Variants in KLF13 observed in about 807,000 individuals in gnomAD.
KLF13 encodes Krueppel-like factor 13.
A neutral mutation model predicts 16.7 loss-of-function variants in KLF13; 8 were observed. The observed-to-expected ratio is 0.48, with a 90% CI of 0.28 to 0.87. The LOEUF (loss-of-function observed/expected upper bound fraction) is 0.87, where lower values mean the gene tolerates loss of function less well. Among genes scored for constraint, KLF13 ranks in the 40% least tolerant of loss-of-function variants. The probability of loss-of-function intolerance (pLI) is 0.10; values close to 1 mark genes in which losing one functional copy is unlikely to be tolerated. For synonymous variants in KLF13, 245 were observed against 208.4 expected (o/e 1.18, Z -1.51); for missense variants, 447 against 452.2 (o/e 0.99, Z 0.10).
downstream of KLF13, among the ~76,000 whole-genome samples, chr15:31,380,165 G>A (rs1446992327): frequency 6.6e-6 from 1 of 152,190 alleles, no homozygotes; most frequent in Non-Finnish European, 1.5e-5. Flanking sequence ...TGTGGCTTGT[G>A]CCTGTAGTCC....
intron 1 of KLF13, among the ~76,000 whole-genome samples, chr15:31,422,062 C>G (rs2040333213): frequency 6.6e-6 from 1 of 151,230 alleles, no homozygotes; most frequent in Admixed American, 6.6e-5. Context: ...TTGCAGTGAG[C>G]TGAGACCATG....
At chr15:31,351,122 C>G (rs1352792689) in intron 1 of KLF13, among the ~76,000 whole-genome samples, 4 of 152,192 alleles carry the variant, frequency 2.6e-5, no homozygotes, top group Non-Finnish European at 5.9e-5. Flanking sequence ...CTTTTCTCAG[C>G]CCGTATCATG....
rs868507900 is a variant in KLF13 at position 31,427,955 on chromosome 15, T to C, written n.118-7415T>C. Among the ~76,000 whole-genome samples, 3 of 152,296 alleles carry C rather than the reference T, an allele frequency of 2.0e-5. No homozygotes were observed. The South Asian group carries it at 6.2e-4, about 32-fold the overall frequency. The stretch of plus-strand genomic sequence containing the variant: ...ACCTCCTACCAGGCACTGCCTCCAA[T>C]ACTGGGAATTAGAATTCAACGTGAA... On this transcript the variant is annotated intron_variant and non_coding_transcript_variant, in intron 1 of 1. Transcript: ENST00000558225.
At chr15:31,334,102 C>T (rs1249628239) in intron 1 of KLF13, among the ~76,000 whole-genome samples, 1 of 152,186 alleles carries the variant, frequency 6.6e-6, no homozygotes, top group Non-Finnish European at 1.5e-5. Flanking sequence ...GGGTTGGGTT[C>T]AGCTTTGGAA....
downstream of KLF13, among the ~76,000 whole-genome samples, chr15:31,379,787 A>C (rs1036111775): frequency 6.6e-6 from 1 of 152,176 alleles, no homozygotes; most frequent in Admixed American, 6.5e-5. Context: ...TCCTGGAGGC[A>C]GGCCTGAGAG....
Position 31,376,218 on chromosome 15 carries a change from G to A in KLF13, c.*3919G>A, listed in dbSNP as rs918303887. ...ACCCATTCAGGATCTCAGCTGGGCA[G>A]GGGTGCCACCCAACAGGAAGATGTG... On this transcript the variant is annotated 3_prime_UTR_variant, in exon 2 of 2. Coordinates refer to ENST00000307145, the MANE Select transcript of KLF13 (RefSeq NM_015995.4). 6.5e-5 allele frequency: 10 copies of A among 152,720 alleles called. No individual in the cohort carries two copies. Among genetic ancestry groups the A allele is most frequent in the Admixed American group, 2.0e-4 (3 of 15,284 alleles). The allele number at this position is 152,720 out of a possible 1,614,324, so 9.5% of individuals were successfully genotyped here.
At position 31,376,427 on chromosome 15, in the gene KLF13, AAGAAACGCTT is replaced by A. The variant is rs2039647176; in HGVS notation, c.*4129_*4138del. ...ATGTGTTGGTCACATCACAACCAGTAAGAAACGCTTGGTAGGTTATCCACATCTTTTGCTG... is the reference window on the plus strand; with the variant it reads ...ATGTGTTGGTCACATCACAACCAGTAGGTAGGTTATCCACATCTTTTGCTG... On this transcript the variant is annotated 3_prime_UTR_variant, in exon 2 of 2. Transcript: ENST00000307145. 1 of 152,336 alleles carries A rather than the reference AAGAAACGCTT, an allele frequency of 6.6e-6. No homozygotes were observed. The highest frequency in any genetic ancestry group is 1.5e-5 in the Non-Finnish European group (1 of 68,038). 9.4% of individuals were successfully genotyped at this position (152,336 alleles called of 1,614,324 possible).
At chr15:31,378,217 T>G (rs943046654), downstream of KLF13, among the ~76,000 whole-genome samples, 3 of 152,126 alleles carry the variant, frequency 2.0e-5, no homozygotes, top group African/African-American at 7.2e-5. Flanking sequence ...CACCTTTCCC[T>G]CAAAGTCCCC....
chr15:31,363,996 C>G (rs1272775339), intron 1 of KLF13, among the ~76,000 whole-genome samples: 2 of 152,164 alleles, frequency 1.3e-5, no homozygotes, highest in Admixed American at 1.3e-4. Context: ...GCTCCCTGCC[C>G]TAGGGGTTCG....
intron 1 of KLF13, among the ~76,000 whole-genome samples, chr15:31,428,802 CA>C (rs1218921356): frequency 2.1e-4 from 13 of 61,900 alleles, no homozygotes; most frequent in Admixed American, 1.0e-3. Context: ...GACTCTATCT[CA>C]AAAAAAAAAA....
At chr15:31,388,440 T>C (rs376154517), upstream of KLF13, among the ~76,000 whole-genome samples, 22 of 151,864 alleles carry the variant, frequency 1.4e-4, 1 homozygote, top group East Asian at 1.4e-3. Context: ...GGAGAAACCC[T>C]GTCTCTCCAT....
chr15:31,363,259 G>A (rs901744287), intron 1 of KLF13, among the ~76,000 whole-genome samples: 9 of 152,204 alleles, frequency 5.9e-5, no homozygotes, highest in African/African-American at 2.2e-4. Context: ...ATCTTTTCAT[G>A]CATTTGAGAG....
intron 1 of KLF13, chr15:31,420,613 T>C: frequency 2.4e-6 from 1 of 424,372 alleles, no homozygotes; most frequent in South Asian, 2.1e-5. Flanking sequence ...CTACAGCTTT[T>C]ACCTTCAAGA....
intron 1 of KLF13, among the ~76,000 whole-genome samples, chr15:31,355,879 C>T (rs2039291980): frequency 6.6e-6 from 1 of 152,036 alleles, no homozygotes; most frequent in Admixed American, 6.6e-5. Context: ...TCCGTGTGGC[C>T]TGGATAACAT....
Position 31,327,240 on chromosome 15 carries a change from T to C in KLF13, c.28T>C (p.Phe10Leu), listed in dbSNP as rs1666199387. The change falls in exon 1 of 2, where the codon TTC (phenylalanine) becomes CTC (leucine). Residue 10 changes from phenylalanine (F) to leucine (L), a missense_variant. Transcript: ENST00000307145. The part of the protein sequence containing the change: MAAAAYVDH[F>L]AAECLVSMSS... ...GGCAGCCGCCGCCTATGTGGACCAC[T>C]TCGCCGCCGAGTGCCTCGTGTCCAT... 7.3e-7 allele frequency: 1 copy of C among 1,369,844 alleles called. No individual in the cohort carries two copies. Among genetic ancestry groups the C allele is most frequent in the East Asian group, 3.3e-5 (1 of 30,212 alleles). The allele number at this position is 1,369,844 out of a possible 1,614,324, so 84.9% of individuals were successfully genotyped here. A position where few individuals can be genotyped will look rare whatever the true frequency, so the allele number is the denominator to read the frequency against.
At chr15:31,385,747 A>T (rs117044801) in intron 1 of KLF13, among the ~76,000 whole-genome samples, 334 of 152,306 alleles carry the variant, frequency 2.2e-3, no homozygotes, top group Admixed American at 6.1e-3. Flanking sequence ...CTATTCCCTA[A>T]GACACAATAT....
rs2039626274 is a variant in KLF13 at position 31,375,377 on chromosome 15, ACTGCGT to A, written c.*3081_*3086del. 1 of 152,172 alleles carries A rather than the reference ACTGCGT, an allele frequency of 6.6e-6. No individual in the cohort carries two copies. The highest frequency in any genetic ancestry group is 1.5e-5 in the Non-Finnish European group (1 of 68,006). 9.4% of individuals were successfully genotyped at this position (152,172 alleles called of 1,614,324 possible). A position where few individuals can be genotyped will look rare whatever the true frequency, so the allele number is the denominator to read the frequency against. On this transcript the variant is annotated 3_prime_UTR_variant, in exon 2 of 2. Transcript: ENST00000307145. The stretch of plus-strand genomic sequence containing the variant: ...TCAAACATGCAGAATGTTTTCCCAG[ACTGCGT>A]CTATTTCAGGGTCTTCCATTTTTGT...
chr15:31,423,088 T>C (rs1459071933), intron 1 of KLF13, among the ~76,000 whole-genome samples: 1 of 137,168 alleles, frequency 7.3e-6, no homozygotes, highest in Admixed American at 7.0e-5. Context: ...TACATATATA[T>C]ACGTATATAT....
chr15:31,332,989 C>G (rs2038859058), intron 1 of KLF13, among the ~76,000 whole-genome samples: 1 of 152,132 alleles, frequency 6.6e-6, no homozygotes, highest in African/African-American at 2.4e-5. Flanking sequence ...TCTTGAGATA[C>G]CATGGCACTG....
Sources: allele counts gnomAD v4.1 joint callset (sites outside exome capture counted in the v4.1 genomes callset), GRCh38; gene constraint gnomAD v4.1.1; transcripts MANE v1.5; gene names NCBI Gene and HGNC (gene_info 2026-07-23, HGNC 2026-07-21).